The following FHIT variants were observed in gnomAD, a reference collection of about 807,000 sequenced individuals.
FHIT encodes fragile histidine triad diadenosine triphosphatase.
FHIT carries 19 observed loss-of-function variants against 17.9 expected under a neutral mutation model. The observed-to-expected ratio is 1.06, with a 90% CI of 0.74 to 1.56. The LOEUF (loss-of-function observed/expected upper bound fraction) is 1.56, where lower values mean the gene tolerates loss of function less well. Ranked by LOEUF, FHIT falls within the 40% of genes most tolerant of loss-of-function variation. FHIT has a pLI of 0.00. For synonymous variants in FHIT, 81 were observed against 69.7 expected, an observed-to-expected ratio of 1.16 and a Z score of -0.81; for missense variants, 248 against 189.2, an observed-to-expected ratio of 1.31 and a Z score of -1.82.
intron 2 of FHIT, among the ~76,000 whole-genome samples, chr3:61,043,055 G>A (rs2033599850): frequency 6.6e-6 from 1 of 152,164 alleles, no homozygotes; most frequent in Admixed American, 6.5e-5. Context: ...GCAGAAGACA[G>A]GTGATTTCTG....
chr3:61,223,246 T>C (rs1449611618), intron 1 of FHIT, among the ~76,000 whole-genome samples: 1 of 152,192 alleles, frequency 6.6e-6, no homozygotes, highest in Non-Finnish European at 1.5e-5. Context: ...GACCACAGTT[T>C]GCATGATAGG....
chr3:59,963,891 A>G (rs1707802742), intron 7 of FHIT, among the ~76,000 whole-genome samples: 2 of 152,230 alleles, frequency 1.3e-5, no homozygotes, highest in Non-Finnish European at 2.9e-5. Context: ...GTTGGATGTA[A>G]ACTAATAAAC....
At chr3:60,376,661 T>A (rs549472007) in intron 5 of FHIT, among the ~76,000 whole-genome samples, 1 of 152,344 alleles carries the variant, frequency 6.6e-6, no homozygotes, top group East Asian at 1.9e-4. Flanking sequence ...ACAAAGAAGC[T>A]GTCCTTTCCT....
chr3:60,637,421 T>G (rs1416735671), intron 4 of FHIT, among the ~76,000 whole-genome samples: 2 of 152,160 alleles, frequency 1.3e-5, no homozygotes, highest in African/African-American at 4.8e-5. Flanking sequence ...GTACCTCACA[T>G]ATAGGAAGGG....
chr3:59,870,571 T>C (rs958733341), intron 8 of FHIT, among the ~76,000 whole-genome samples: 3 of 152,162 alleles, frequency 2.0e-5, no homozygotes, highest in Non-Finnish European at 4.4e-5. Flanking sequence ...GATGTCTTAA[T>C]AGAAGAGAGA....
At chr3:60,330,109 A>G (rs1030406047) in intron 5 of FHIT, among the ~76,000 whole-genome samples, 1 of 152,196 alleles carries the variant, frequency 6.6e-6, no homozygotes, top group African/African-American at 2.4e-5. Context: ...TGGCAATAAA[A>G]TATTTCCAGT....
chr3:60,508,116 G>C (rs974350984), intron 5 of FHIT, among the ~76,000 whole-genome samples: 5 of 152,200 alleles, frequency 3.3e-5, no homozygotes, highest in African/African-American at 4.8e-5. Flanking sequence ...AGGGAATGTA[G>C]AGTGAAGACA....
At chr3:60,013,941 G>A in intron 6 of FHIT, 66 bp downstream of exon 6, 17 of 1,506,948 alleles carry the variant, frequency 1.1e-5, no homozygotes, top group Non-Finnish European at 1.5e-5. Context: ...GATATCAGGA[G>A]GAGCAAGCCC....
chr3:60,096,366 C>T (rs1216369052), intron 5 of FHIT, among the ~76,000 whole-genome samples: 1 of 152,120 alleles, frequency 6.6e-6, no homozygotes, highest in Non-Finnish European at 1.5e-5. Context: ...AGGGGAGGGG[C>T]AGGCAGTAGG....
At chr3:61,124,376 G>A (rs1233180479) in intron 2 of FHIT, among the ~76,000 whole-genome samples, 1 of 152,116 alleles carries the variant, frequency 6.6e-6, no homozygotes, top group Admixed American at 6.6e-5. Context: ...CATTAACGGA[G>A]GGCAGTTAAT....
At chr3:60,558,777 A>G (rs914507699) in intron 4 of FHIT, among the ~76,000 whole-genome samples, 1 of 152,130 alleles carries the variant, frequency 6.6e-6, no homozygotes, top group African/African-American at 2.4e-5. Flanking sequence ...CATTAACAGA[A>G]TCTTTTAGAT....
chr3:59,818,373 A>C (rs1315296536), intron 8 of FHIT, among the ~76,000 whole-genome samples: 1 of 152,014 alleles, frequency 6.6e-6, no homozygotes, highest in Non-Finnish European at 1.5e-5. Context: ...AAGTGGGGTT[A>C]ATTCACGGAT....
chr3:60,554,099 G>GAA lies in FHIT; in HGVS notation c.-17-17122_-17-17121dup, dbSNP rs1002533800. 1.1e-3 allele frequency among the ~76,000 whole-genome samples: 168 copies of GAA among 150,906 alleles called. 1 individual carries two copies. Among genetic ancestry groups the GAA allele is most frequent in the African/African-American group, 4.0e-3 (165 of 41,200 alleles). ...AAAGCAAGACTTCATCTCAAAAAAAGAAAAAAAACGTATCAGGGAAAGACA... is the reference window on the plus strand; with the variant it reads ...AAAGCAAGACTTCATCTCAAAAAAAGAAAAAAAAAACGTATCAGGGAAAGACA... On this transcript the variant is annotated intron_variant, in intron 4 of 9. Transcript: ENST00000492590.
intron 4 of FHIT, among the ~76,000 whole-genome samples, chr3:60,758,547 CAA>C (rs1195654765): frequency 6.6e-6 from 1 of 152,048 alleles, no homozygotes; most frequent in African/African-American, 2.4e-5. Context: ...ACAAATTCAC[CAA>C]AGAGGTAAAA....
intron 5 of FHIT, among the ~76,000 whole-genome samples, chr3:60,140,270 C>G (rs1408089910): frequency 6.6e-6 from 1 of 152,064 alleles, no homozygotes; most frequent in Admixed American, 6.6e-5. Flanking sequence ...GATGATAGTG[C>G]CTCAATTTTC....
At chr3:60,420,631 A>C (rs565814545) in intron 5 of FHIT, among the ~76,000 whole-genome samples, 67 of 152,254 alleles carry the variant, frequency 4.4e-4, no homozygotes, top group African/African-American at 1.6e-3. Context: ...TCTGAGATTA[A>C]CTTTTCCTTT....
chr3:60,670,208 A>G (rs1471737048), intron 4 of FHIT, among the ~76,000 whole-genome samples: 3 of 152,222 alleles, frequency 2.0e-5, no homozygotes, highest in Admixed American at 6.5e-5. Flanking sequence ...TGGAATTAAC[A>G]TTAGCATATG....
intron 4 of FHIT, among the ~76,000 whole-genome samples, chr3:60,711,264 AC>A (rs1553705034): frequency 2.0e-5 from 3 of 152,088 alleles, no homozygotes; most frequent in African/African-American, 7.2e-5. Context: ...CACACCAAAA[AC>A]CCATCTGTAC....
At chr3:60,186,613 C>A (rs1300764332) in intron 5 of FHIT, among the ~76,000 whole-genome samples, 3 of 152,112 alleles carry the variant, frequency 2.0e-5, no homozygotes, top group African/African-American at 7.2e-5. Context: ...GTACAGAACA[C>A]CCTGCATCTC....
Sources: allele counts gnomAD v4.1 joint callset (sites outside exome capture counted in the v4.1 genomes callset), GRCh38; gene constraint gnomAD v4.1.1; transcripts MANE v1.5; gene names NCBI Gene and HGNC (gene_info 2026-07-23, HGNC 2026-07-21).